Variants in CLMN observed in about 807,000 individuals in gnomAD.
CLMN encodes the protein calmin (calponin-like, transmembrane).
Under a neutral mutation model 92.7 loss-of-function variants are expected in CLMN, and 57 were observed. The observed-to-expected ratio is 0.61, with a 90% confidence interval of 0.50 to 0.77. CLMN has a LOEUF of 0.77. Ranked by LOEUF, CLMN falls within the 30% of genes least tolerant of loss-of-function variation. The pLI, the probability that CLMN is intolerant of heterozygous loss-of-function variation, is 0.00. For missense variants in CLMN, 1,158 were observed against 1,237.5 expected (o/e 0.94, Z 0.96); for synonymous variants, 466 against 470.6 (o/e 0.99, Z 0.13).
Position 95,188,733 on chromosome 14 carries a change from G to A in CLMN, c.*2831C>T, listed in dbSNP as rs1216300735. ...AAGAGATCTTAAATGTTTCCAGGAA[G>A]GGTGGATAAAAAAACCTAAGTCACA... On this transcript the variant is annotated 3_prime_UTR_variant, in exon 13 of 13. Transcript: ENST00000298912. The A allele has an allele frequency of 6.6e-6, 1 of 152,040 alleles. No homozygotes were observed. The highest frequency in any genetic ancestry group is 1.5e-5 in the Non-Finnish European group (1 of 68,022). 9.4% of individuals were successfully genotyped at this position (152,040 alleles called of 1,614,324 possible). A position where few individuals can be genotyped will look rare whatever the true frequency, so the allele number is the denominator to read the frequency against.
chr14:95,216,539 A>C (rs535804644), intron 4 of CLMN, among the ~76,000 whole-genome samples: 4 of 152,184 alleles, frequency 2.6e-5, no homozygotes, highest in African/African-American at 7.2e-5. Flanking sequence ...TGCTACATAA[A>C]CACCACCACG....
chr14:95,261,186 C>T (rs111594779), intron 1 of CLMN, among the ~76,000 whole-genome samples: 2 of 92,824 alleles, frequency 2.2e-5, no homozygotes, highest in African/African-American at 7.9e-5. Flanking sequence ...AGAAAGCACA[C>T]AAATGCAAAA....
intron 2 of CLMN, 77 bp downstream of exon 2, chr14:95,229,995 C>T (rs549785970): frequency 1.5e-6 from 2 of 1,354,710 alleles, no homozygotes; most frequent in African/African-American, 2.9e-5. Context: ...GTCACCAGCT[C>T]CCCCTCCACT....
intron 1 of CLMN, among the ~76,000 whole-genome samples, chr14:95,245,242 A>ATATATATAT (rs1898481740): frequency 1.1e-4 from 4 of 35,624 alleles, no homozygotes; most frequent in Admixed American, 8.6e-4. Context: ...TATATATTAT[A>ATATATATAT]TATATATATA....
At chr14:95,284,884 T>A (rs922756020) in intron 1 of CLMN, among the ~76,000 whole-genome samples, 1 of 152,134 alleles carries the variant, frequency 6.6e-6, no homozygotes, top group African/African-American at 2.4e-5. Context: ...TGGGAAGGCA[T>A]GACAGGTTTT....
intron 1 of CLMN, among the ~76,000 whole-genome samples, chr14:95,266,902 C>A (rs904903682): frequency 6.6e-6 from 1 of 152,172 alleles, no homozygotes; most frequent in Non-Finnish European, 1.5e-5. Context: ...TTACAGCCAA[C>A]TTATTTTTGA....
At chr14:95,201,218 TG>T (rs1003818808) in intron 9 of CLMN, among the ~76,000 whole-genome samples, 1 of 151,764 alleles carries the variant, frequency 6.6e-6, no homozygotes, top group Admixed American at 6.6e-5. Context: ...ATTTTAGATT[TG>T]GGGGGTTCAT....
intron 1 of CLMN, among the ~76,000 whole-genome samples, chr14:95,242,725 G>A (rs1898302198): frequency 6.6e-6 from 1 of 152,034 alleles, no homozygotes; most frequent in Non-Finnish European, 1.5e-5. Context: ...ATGCCACCAT[G>A]TCCGGCTCAT....
intron 1 of CLMN, among the ~76,000 whole-genome samples, chr14:95,244,609 C>A (rs76451028): frequency 0.011 from 1,626 of 152,296 alleles, 14 homozygotes; most frequent in Non-Finnish European, 0.016. Context: ...GCTAAAAAAT[C>A]CAGTACAATG....
At chr14:95,219,477 T>C (rs1215938581) in intron 4 of CLMN, among the ~76,000 whole-genome samples, 1 of 152,210 alleles carries the variant, frequency 6.6e-6, no homozygotes, top group Non-Finnish European at 1.5e-5. Flanking sequence ...GGTGACGCAG[T>C]GAGAGCTGGA....
Position 95,194,672 on chromosome 14 carries a change from C to G in CLMN, c.2709-76G>C. 1 of 1,404,018 alleles carries G rather than the reference C, an allele frequency of 7.1e-7. No homozygotes were observed. The highest frequency in any genetic ancestry group is 1.2e-5 in the South Asian group (1 of 86,604). The allele number at this position is 1,404,018 out of a possible 1,614,324, so 87.0% of individuals were successfully genotyped here. ...GCTCAGTTGTACGGTCACCCCCATC[C>G]TGGGGTTTCCACGTATGGGTTTAGG... On this transcript the variant is annotated intron_variant, in intron 10 of 12. Transcript: ENST00000298912. The surrounding 1 kb of genome is among the most constrained non-coding windows in gnomAD (Gnocchi z 4.0).
In CLMN at chr14:95,194,702, C is replaced by T. The variant is rs569523415; in HGVS notation, c.2709-106G>A. 9.3e-6 allele frequency: 9 copies of T among 972,530 alleles called. No homozygotes were observed. Among genetic ancestry groups the T allele is most frequent in the Non-Finnish European group, 1.3e-5 (8 of 608,880 alleles). The allele number at this position is 972,530 out of a possible 1,614,324, so 60.2% of individuals were successfully genotyped here. A position where few individuals can be genotyped will look rare whatever the true frequency, so the allele number is the denominator to read the frequency against. On this transcript the variant is annotated intron_variant, in intron 10 of 12. Coordinates refer to ENST00000298912, the MANE Select transcript of CLMN (RefSeq NM_024734.4). This position sits in a 1 kb window ranked among gnomAD's most constrained non-coding sequence, Gnocchi z 4.0. ...GTTTCCACGTATGGGTTTAGGCAAGCGACAACTTCACAGCCAGGGACAGAA... is the reference window on the plus strand; with the variant it reads ...GTTTCCACGTATGGGTTTAGGCAAGTGACAACTTCACAGCCAGGGACAGAA...
rs372874478 is a variant in CLMN, at chr14:95,191,534, C to A, written c.*30G>T. The A allele has an allele frequency of 3.9e-5, 62 of 1,587,572 alleles. 1 individual carries two copies. In the African/African-American group the frequency reaches 7.1e-4, roughly 18 times the overall value. On this transcript the variant is annotated 3_prime_UTR_variant, in exon 13 of 13. Coordinates refer to ENST00000298912, the MANE Select transcript of CLMN (RefSeq NM_024734.4). This position sits in a 1 kb window ranked among gnomAD's most constrained non-coding sequence, Gnocchi z 5.3. ...AAGTAACCCCGCCCCTGGTCAGGGT[C>A]CTGTCTTTTTTATTATCCAGACACA...
rs754326250 is a variant in CLMN at position 95,194,508 on chromosome 14, C to T, written c.2769+28G>A. The T allele has an allele frequency of 3.4e-5, 55 of 1,613,720 alleles. 2 individuals carry two copies. The highest frequency in any genetic ancestry group is 2.9e-4 in the South Asian group (26 of 91,074). On this transcript the variant is annotated intron_variant, in intron 11 of 12. Transcript: ENST00000298912. This position sits in a 1 kb window ranked among gnomAD's most constrained non-coding sequence, Gnocchi z 4.0. ...AAGGAATTGATTAGCAGGGGCCGTG[C>T]GGAAAGAGAAGAAATTCACATACTA...
chr14:95,194,670 T>A lies in CLMN; in HGVS notation c.2709-74A>T. 1 of 1,401,536 alleles carries A rather than the reference T, an allele frequency of 7.1e-7. No homozygotes were observed. Among genetic ancestry groups the A allele is most frequent in the African/African-American group, 1.4e-5 (1 of 70,742 alleles). The allele number at this position is 1,401,536 out of a possible 1,614,324, so 86.8% of individuals were successfully genotyped here. The stretch of plus-strand genomic sequence containing the variant: ...TGGCTCAGTTGTACGGTCACCCCCA[T>A]CCTGGGGTTTCCACGTATGGGTTTA... On this transcript the variant is annotated intron_variant, in intron 10 of 12. Transcript: ENST00000298912. The surrounding 1 kb of genome is among the most constrained non-coding windows in gnomAD (Gnocchi z 4.0).
At chr14:95,313,150 G>C (rs541636593) in intron 1 of CLMN, among the ~76,000 whole-genome samples, 2 of 152,328 alleles carry the variant, frequency 1.3e-5, no homozygotes, top group South Asian at 2.1e-4. Flanking sequence ...AGGTTGCAGT[G>C]AGTCAAGATC....
At chr14:95,229,509 C>T (rs375725818) in intron 2 of CLMN, among the ~76,000 whole-genome samples, 3 of 152,088 alleles carry the variant, frequency 2.0e-5, no homozygotes, top group Non-Finnish European at 4.4e-5. Flanking sequence ...ATTATGTCTC[C>T]GTGCCTCTGT....
At chr14:95,197,255 GGAA>G (rs1896742462) in intron 9 of CLMN, among the ~76,000 whole-genome samples, 2 of 150,610 alleles carry the variant, frequency 1.3e-5, no homozygotes, top group African/African-American at 2.5e-5. Flanking sequence ...TGAAGAAGAA[GGAA>G]GAAGAAGAAA....
intron 4 of CLMN, among the ~76,000 whole-genome samples, chr14:95,218,479 G>C (rs1469047686): frequency 3.9e-5 from 6 of 152,222 alleles, no homozygotes; most frequent in Non-Finnish European, 7.3e-5. Context: ...CTGAATCCCT[G>C]AGCAAAGAGG....
Sources: gnomAD v4.1 joint callset for allele counts (sites outside exome capture counted in the v4.1 genomes callset) on GRCh38, gnomAD v4.1.1 for gene constraint, Gnocchi (gnomAD v3.1) non-coding constraint, MANE v1.5 for transcripts, NCBI Gene and HGNC (gene_info 2026-07-23, HGNC 2026-07-21) for gene names.